COL5A2: variants seen among roughly 807,000 people sequenced by gnomAD.
COL5A2 encodes collagen alpha-2(V) chain.
A neutral mutation model predicts 208.2 loss-of-function variants in COL5A2; 23 were observed. The observed-to-expected ratio is 0.11, with a 90% CI of 0.08 to 0.16. The LOEUF is 0.16. COL5A2 is among the 10% of genes least tolerant of loss of function. The pLI, the probability that COL5A2 is intolerant of heterozygous loss-of-function variation, is 1.00. For missense variants in COL5A2, 1,590 were observed against 1,956.4 expected, an observed-to-expected ratio of 0.81 and a Z score of 3.53; for synonymous variants, 625 against 628.5, an observed-to-expected ratio of 0.99 and a Z score of 0.08.
At chr2:189,324,862 G>A in the COL5A2 span, among the ~76,000 whole-genome samples, 2 of 152,272 alleles carry the variant, frequency 1.3e-5, no homozygotes, top group African/African-American at 2.4e-5. Context: ...AAAGACACAA[G>A]CACACATATG....
At chr2:189,282,985 T>A in the COL5A2 span, among the ~76,000 whole-genome samples, 1 of 152,168 alleles carries the variant, frequency 6.6e-6, no homozygotes, top group Admixed American at 6.6e-5. Flanking sequence ...ACTACTATTA[T>A]ACCCCGAGTT....
the COL5A2 span, among the ~76,000 whole-genome samples, chr2:189,335,376 G>A: frequency 6.6e-6 from 1 of 152,116 alleles, no homozygotes; most frequent in African/African-American, 2.4e-5. Context: ...ATGTAAAATG[G>A]TGCAGTTGGA....
the COL5A2 span, among the ~76,000 whole-genome samples, chr2:189,418,226 C>G: frequency 6.6e-6 from 1 of 152,086 alleles, no homozygotes. Context: ...AATTTGTTTT[C>G]TCAAATAATT....
intron 1 of COL5A2, among the ~76,000 whole-genome samples, chr2:189,119,791 A>G (rs866970834): frequency 2.8e-4 from 42 of 152,178 alleles, no homozygotes; most frequent in African/African-American, 1.0e-3. Flanking sequence ...ATCAGAGGAG[A>G]AAAATATATA....
chr2:189,293,764 C>G, the COL5A2 span, among the ~76,000 whole-genome samples: 2 of 152,120 alleles, frequency 1.3e-5, no homozygotes, highest in East Asian at 1.9e-4. Context: ...CCTTTGGAAC[C>G]GTGAAAACTA....
At chr2:189,393,248 T>G in the COL5A2 span, among the ~76,000 whole-genome samples, 2 of 152,096 alleles carry the variant, frequency 1.3e-5, no homozygotes, top group Non-Finnish European at 2.9e-5. Flanking sequence ...CTAAAAGTAC[T>G]ATGATTTTCC....
chr2:189,093,825 A>T (rs1398835522), intron 6 of COL5A2, among the ~76,000 whole-genome samples: 1 of 152,242 alleles, frequency 6.6e-6, no homozygotes, highest in Non-Finnish European at 1.5e-5. Context: ...GAATGAGAGT[A>T]ACATGAACTG....
At chr2:189,142,461 C>T (rs986108717) in intron 1 of COL5A2, among the ~76,000 whole-genome samples, 1 of 152,024 alleles carries the variant, frequency 6.6e-6, no homozygotes, top group Non-Finnish European at 1.5e-5. Context: ...TATACATAGA[C>T]TTAATAATTG....
chr2:189,034,953 A>G lies in COL5A2; in HGVS notation c.4316T>C (p.Ile1439Thr), dbSNP rs754240060. The change falls in exon 53 of 54, where the codon ATT (isoleucine) becomes ACT (threonine). Residue 1439 changes from isoleucine (I) to threonine (T), a missense_variant. Ile to Thr is a moderately conservative substitution (Grantham distance 89). Coordinates refer to ENST00000374866, the MANE Select transcript of COL5A2 (RefSeq NM_000393.5). ...NDLDIKAEGN[I>T]RFRYIVLQDT... The stretch of plus-strand genomic sequence containing the variant: ...TTGAAGAACGATATACCGGAATCTA[A>G]TATTTCCCTCTGCTTTGATATCTAA... The G allele has an allele frequency of 1.2e-5, 19 of 1,613,780 alleles. No homozygotes were observed. Among genetic ancestry groups the G allele is most frequent in the Admixed American group, 1.7e-5 (1 of 59,986 alleles).
chr2:189,113,185 G>T (rs867418173), intron 1 of COL5A2, among the ~76,000 whole-genome samples: 25 of 152,264 alleles, frequency 1.6e-4, no homozygotes, highest in Middle Eastern at 3.4e-3. Context: ...ATCCCAGCAT[G>T]TTGGGAGGCC....
intron 1 of COL5A2, among the ~76,000 whole-genome samples, chr2:189,121,565 G>A (rs190206167): frequency 1.6e-3 from 243 of 152,052 alleles, no homozygotes; most frequent in Non-Finnish European, 1.8e-3. Flanking sequence ...GTGGTGCACA[G>A]CAACATGGCA....
At chr2:189,306,588 T>C in the COL5A2 span, among the ~76,000 whole-genome samples, 72 of 152,338 alleles carry the variant, frequency 4.7e-4, no homozygotes, top group African/African-American at 1.7e-3. Context: ...GCTTCCTCAA[T>C]GAGGACCTGT....
the COL5A2 span, among the ~76,000 whole-genome samples, chr2:189,366,534 G>C: frequency 6.6e-6 from 1 of 152,164 alleles, no homozygotes; most frequent in South Asian, 2.1e-4. Context: ...GAGAACACTG[G>C]TCCAAGTCAC....
chr2:189,379,784 T>C, the COL5A2 span, among the ~76,000 whole-genome samples: 1 of 152,188 alleles, frequency 6.6e-6, no homozygotes, highest in Non-Finnish European at 1.5e-5. Flanking sequence ...TAGCACACAC[T>C]GTTTTGATTT....
the COL5A2 span, among the ~76,000 whole-genome samples, chr2:189,275,625 G>GT: frequency 7.9e-5 from 12 of 151,848 alleles, no homozygotes; most frequent in East Asian, 2.3e-3. Context: ...GCTAATTTTT[G>GT]TATTTTTAGT....
intron 1 of COL5A2, among the ~76,000 whole-genome samples, chr2:189,137,666 C>T (rs1475912454): frequency 6.6e-6 from 1 of 152,102 alleles, no homozygotes; most frequent in Non-Finnish European, 1.5e-5. Flanking sequence ...AGAACCTGAG[C>T]TAGCTTCTAA....
the COL5A2 span, among the ~76,000 whole-genome samples, chr2:189,440,292 T>A: frequency 6.6e-6 from 1 of 152,206 alleles, no homozygotes; most frequent in Non-Finnish European, 1.5e-5. Flanking sequence ...TTCTAAGAAA[T>A]GCATTTTAGG....
At chr2:189,292,770 A>C in the COL5A2 span, among the ~76,000 whole-genome samples, 1 of 152,140 alleles carries the variant, frequency 6.6e-6, no homozygotes, top group Non-Finnish European at 1.5e-5. Context: ...ACCCAAAGGA[A>C]TATAAATCAT....
chr2:189,044,988 T>G (rs1685634550), intron 47 of COL5A2, among the ~76,000 whole-genome samples, 191 bp downstream of exon 47: 1 of 151,978 alleles, frequency 6.6e-6, no homozygotes, highest in Non-Finnish European at 1.5e-5. Context: ...TTCAGAAGAA[T>G]TGTGTTAAAA....
Sources: gnomAD v4.1 joint callset for allele counts (sites outside exome capture counted in the v4.1 genomes callset) on GRCh38, gnomAD v4.1.1 for gene constraint, MANE v1.5 for transcripts, NCBI Gene and HGNC (gene_info 2026-07-23, HGNC 2026-07-21) for gene names.